Variants in AVL9 observed in about 807,000 individuals in gnomAD.
AVL9 encodes late secretory pathway protein AVL9 homolog.
In AVL9, 49 loss-of-function variants were observed where a neutral mutation model predicts 79.2. The ratio of observed to expected loss-of-function variants is 0.62; its 90% CI spans 0.49 to 0.79. The LOEUF is 0.79. AVL9 is among the 30% of genes least tolerant of loss of function. The pLI, the probability that AVL9 is intolerant of heterozygous loss-of-function variation, is 0.00. For synonymous variants in AVL9, 299 were observed against 280.6 expected (o/e 1.07, Z -0.65); for missense variants, 682 against 776.8 (o/e 0.88, Z 1.45).
At chr7:32,552,035 T>C (rs767620290) in intron 5 of AVL9, among the ~76,000 whole-genome samples, 194 bp from the exon 6 acceptor site, 1 of 152,196 alleles carries the variant, frequency 6.6e-6, no homozygotes, top group African/African-American at 2.4e-5. Context: ...CCACGTCTCT[T>C]CTGATACTGC....
At chr7:32,508,854 C>A (rs1037242043) in intron 1 of AVL9, among the ~76,000 whole-genome samples, 2 of 152,218 alleles carry the variant, frequency 1.3e-5, no homozygotes, top group Non-Finnish European at 2.9e-5. Flanking sequence ...CAGTATTACA[C>A]TATCTTATTA....
intron 1 of AVL9, among the ~76,000 whole-genome samples, chr7:32,542,095 GA>G (rs1191846848): frequency 6.6e-6 from 1 of 151,834 alleles, no homozygotes; most frequent in Non-Finnish European, 1.5e-5. Context: ...CTTCTAAACG[GA>G]AAACGTTGAT....
Position 32,570,055 on chromosome 7 carries a change from G to A in AVL9, c.1251G>A (p.Gln417=). The stretch of plus-strand genomic sequence containing the variant: ...GTTTGCCTTACATGGCATTGCAGCA[G>A]CATCATCTTCTCTCCGATGTCACCG... The part of the protein sequence containing the change: ...YLCLPYMALQ[Q]HHLLSDVTVR... The change falls in exon 11 of 16, where the codon CAG becomes CAA. Residue 417 remains glutamine (Q), a synonymous_variant. Coordinates refer to ENST00000318709, the MANE Select transcript of AVL9 (RefSeq NM_015060.3). 1 of 1,614,204 alleles carries A rather than the reference G, an allele frequency of 6.2e-7. No homozygotes were observed. Among genetic ancestry groups the A allele is most frequent in the Non-Finnish European group, 8.5e-7 (1 of 1,180,026 alleles).
rs1420998199 is a variant in AVL9 at position 32,586,529 on chromosome 7, C to G, written c.*2622C>G. On this transcript the variant is annotated 3_prime_UTR_variant, in exon 16 of 16. Transcript: ENST00000318709. The stretch of plus-strand genomic sequence containing the variant: ...AGGCTCCAAGTGGCCAGCATAGAAG[C>G]AGCAGCCTCTCTCCAAACCCTGGCT... 1 of 151,360 alleles carries G rather than the reference C, an allele frequency of 6.6e-6. No homozygotes were observed. Among genetic ancestry groups the G allele is most frequent in the Non-Finnish European group, 1.5e-5 (1 of 67,980 alleles). The allele number at this position is 151,360 out of a possible 1,614,324, so 9.4% of individuals were successfully genotyped here. A position where few individuals can be genotyped will look rare whatever the true frequency, so the allele number is the denominator to read the frequency against.
At chr7:32,500,913 T>G (rs942904461) in intron 1 of AVL9, among the ~76,000 whole-genome samples, 4 of 152,186 alleles carry the variant, frequency 2.6e-5, no homozygotes, top group African/African-American at 4.8e-5. Flanking sequence ...AGCAGATGGC[T>G]GTAGATGTGT....
chr7:32,580,210 T>C lies in AVL9; in HGVS notation c.1689-9T>C. 1.2e-6 allele frequency: 2 copies of C among 1,609,372 alleles called. No individual in the cohort carries two copies. The highest frequency in any genetic ancestry group is 8.5e-7 in the Non-Finnish European group (1 of 1,177,948). ...ATACTGATAGTTTAAACTCAAACTTTTTTTACAGCCATCCATTTCAAGGCC... is the reference window on the plus strand; with the variant it reads ...ATACTGATAGTTTAAACTCAAACTTCTTTTACAGCCATCCATTTCAAGGCC... On this transcript the variant is annotated splice_polypyrimidine_tract_variant and intron_variant, in intron 13 of 15. Coordinates refer to ENST00000318709, the MANE Select transcript of AVL9 (RefSeq NM_015060.3).
Position 32,495,563 on chromosome 7 carries a change from T to C in AVL9, c.-147T>C. On this transcript the variant is annotated 5_prime_UTR_variant, in exon 1 of 16. Transcript: ENST00000318709. ...CCGTGGCCCTGGGGGCGGCGGGAGC[T>C]GCTTTGCCTCCACCGATCTCCCTGT... The C allele has an allele frequency of 4.5e-6, 2 of 445,180 alleles. No individual in the cohort carries two copies. 27.6% of individuals were successfully genotyped at this position (445,180 alleles called of 1,614,324 possible).
intron 1 of AVL9, chr7:32,538,208 G>A (rs1789003747): frequency 6.6e-6 from 1 of 152,174 alleles, no homozygotes; most frequent in Non-Finnish European, 1.5e-5. Flanking sequence ...ATGGCAACCT[G>A]TTAACTAAAT....
At chr7:32,566,730 G>A (rs4720066) in intron 10 of AVL9, among the ~76,000 whole-genome samples, 125,799 of 150,282 alleles carry the variant, frequency 0.84, 52,704 homozygotes, top group Middle Eastern at 0.88. Context: ...TACAAAAAAA[G>A]AAATTAGCCA....
rs1791776081 is a variant in AVL9 at position 32,586,326 on chromosome 7, A to G, written c.*2419A>G. ...TACAACTTTCATCATAGAAATGGTC[A>G]AAAGACCATAGCTATATTTCCTTCA... On this transcript the variant is annotated 3_prime_UTR_variant, in exon 16 of 16. Transcript: ENST00000318709. 4 of 152,198 alleles carry G rather than the reference A, an allele frequency of 2.6e-5. No individual in the cohort carries two copies. Among genetic ancestry groups the G allele is most frequent in the African/African-American group, 9.6e-5 (4 of 41,458 alleles). 9.4% of individuals were successfully genotyped at this position (152,198 alleles called of 1,614,324 possible).
intron 1 of AVL9, among the ~76,000 whole-genome samples, chr7:32,542,060 C>A (rs1382718017): frequency 2.6e-5 from 4 of 152,018 alleles, no homozygotes; most frequent in Non-Finnish European, 5.9e-5. Flanking sequence ...AAGTTTTACT[C>A]CTTAATCTAA....
chr7:32,522,722 C>T (rs917025763), intron 1 of AVL9, among the ~76,000 whole-genome samples: 5 of 151,998 alleles, frequency 3.3e-5, no homozygotes, highest in Admixed American at 3.3e-4. Context: ...TTGGAGGGCG[C>T]AGGGGTGTGA....
intron 15 of AVL9, 41 bp downstream of exon 15, chr7:32,580,931 C>T: frequency 7.1e-7 from 1 of 1,407,546 alleles, no homozygotes; most frequent in Non-Finnish European, 1.0e-6. Context: ...GGAATCACAA[C>T]ACATCCATTT....
At chr7:32,554,450 A>G (rs1789972118) in intron 7 of AVL9, 108 bp from the exon 8 acceptor site, 1 of 546,154 alleles carries the variant, frequency 1.8e-6, no homozygotes, top group Non-Finnish European at 3.1e-6. Flanking sequence ...TACTTTTTAA[A>G]GTGCTGTATT....
chr7:32,497,510 C>G (rs904710068), intron 1 of AVL9, among the ~76,000 whole-genome samples: 9 of 152,170 alleles, frequency 5.9e-5, no homozygotes, highest in Non-Finnish European at 1.5e-5. Flanking sequence ...TCCACTTTAA[C>G]TATTTTACTT....
chr7:32,539,018 A>G (rs787214), intron 1 of AVL9: 22,773 of 152,294 alleles, frequency 0.15, 1,725 homozygotes, highest in East Asian at 0.19. Context: ...TTGGGAGGTC[A>G]AGGCGGGCGG....
chr7:32,539,346 G>T (rs1354332513), intron 1 of AVL9: 1 of 152,160 alleles, frequency 6.6e-6, no homozygotes, highest in African/African-American at 2.4e-5. Context: ...ATTTTAGCAA[G>T]AATTTATGAG....
intron 1 of AVL9, among the ~76,000 whole-genome samples, chr7:32,516,607 C>T (rs1787909429): frequency 6.6e-6 from 1 of 152,076 alleles, no homozygotes; most frequent in Admixed American, 6.6e-5. Flanking sequence ...TTTTAAAAGG[C>T]TTGTCCAAGA....
rs761914598 is a variant in AVL9, at chr7:32,583,842, T to C, written c.1882T>C (p.Trp628Arg). 19 of 1,614,072 alleles carry C rather than the reference T, an allele frequency of 1.2e-5. No homozygotes were observed. Among genetic ancestry groups the C allele is most frequent in the Non-Finnish European group, 1.4e-5 (17 of 1,180,036 alleles). The change falls in exon 16 of 16, where the codon TGG (tryptophan) becomes CGG (arginine). Residue 628 changes from tryptophan to arginine, a missense_variant. Physicochemically the swap from Trp to Arg is moderately radical, Grantham distance 101. Coordinates refer to ENST00000318709, the MANE Select transcript of AVL9 (RefSeq NM_015060.3). ...FSSAKTAMSS[W>R]LSTFTTSTSQ... is the part of the protein sequence containing the mutation. ...CAGTGCAAAGACAGCTATGTCTTCA[T>C]GGCTTTCCACTTTCACCACTTCCAC... is the stretch of plus-strand genomic sequence containing the variant.
Sources: gnomAD v4.1 joint callset for allele counts (sites outside exome capture counted in the v4.1 genomes callset) on GRCh38, gnomAD v4.1.1 for gene constraint, MANE v1.5 for transcripts, NCBI Gene and HGNC (gene_info 2026-07-23, HGNC 2026-07-21) for gene names.